SCGN: variants seen among roughly 807,000 people sequenced by gnomAD.
SCGN encodes secretagogin, EF-hand calcium binding protein.
A neutral mutation model predicts 39.7 loss-of-function variants in SCGN; 30 were observed. The observed-to-expected ratio is 0.76, with a 90% CI of 0.57 to 1.03. The LOEUF (loss-of-function observed/expected upper bound fraction) is 1.03. Among genes scored for constraint, SCGN ranks in the 50% least tolerant of loss-of-function variants. The pLI, the probability that SCGN is intolerant of heterozygous loss-of-function variation, is 0.00. For synonymous variants in SCGN, 106 were observed against 114.1 expected, an observed-to-expected ratio of 0.93 and a Z score of 0.45; for missense variants, 353 against 349.4, an observed-to-expected ratio of 1.01 and a Z score of -0.08.
chr6:25,670,009 G>A lies in SCGN; in HGVS notation c.404G>A (p.Arg135Gln), dbSNP rs200986563. ...ISAAELRNFL[R>Q]DLFLHHKKAI... The stretch of plus-strand genomic sequence containing the variant: ...CTCTTGGCGCCACAGAACTTCCTCC[G>A]AGACCTCTTTCTTCACCACAAAAAG... Residue 135 changes from arginine to glutamine, a missense_variant, in exon 6 of 11, where the codon CGA becomes CAA. Coordinates refer to ENST00000377961, the MANE Select transcript of SCGN (RefSeq NM_006998.4). 8.7e-6 allele frequency: 14 copies of A among 1,613,194 alleles called. No individual in the cohort carries two copies. The highest frequency in any genetic ancestry group is 2.7e-5 in the African/African-American group (2 of 74,756).
chr6:25,689,305 T>C, intron 8 of SCGN, 88 bp downstream of exon 8: 1 of 1,177,682 alleles, frequency 8.5e-7, no homozygotes, highest in Non-Finnish European at 1.2e-6. Context: ...AGGCATCTAT[T>C]TGCCCTACTT....
chr6:25,683,021 C>T (rs542590304), intron 7 of SCGN, among the ~76,000 whole-genome samples: 1 of 152,334 alleles, frequency 6.6e-6, no homozygotes, highest in South Asian at 2.1e-4. Context: ...CCCCAGTACA[C>T]TAAATGGCCT....
chr6:25,662,759 T>C (rs1256684814), intron 3 of SCGN, among the ~76,000 whole-genome samples: 3 of 152,234 alleles, frequency 2.0e-5, no homozygotes, highest in Non-Finnish European at 2.9e-5. Flanking sequence ...AAATTGTATA[T>C]GTAACCAAAA....
chr6:25,701,651 G>A lies in SCGN; in HGVS notation c.*316G>A, dbSNP rs112854789. ...GGGTGGGGGGGACAGGGGCAGCTGA[G>A]TGCATTCATTTTGTGCTTTTCTTGT... On this transcript the variant is annotated 3_prime_UTR_variant, in exon 11 of 11. Transcript: ENST00000377961. The A allele has an allele frequency of 2.4e-3, 515 of 215,526 alleles. 3 individuals are homozygous for A. Among genetic ancestry groups the A allele is most frequent in the Middle Eastern group, 4.5e-3 (3 of 660 alleles). 13.4% of individuals were successfully genotyped at this position (215,526 alleles called of 1,614,324 possible).
intron 10 of SCGN, among the ~76,000 whole-genome samples, chr6:25,694,335 A>G (rs182101462): frequency 2.0e-5 from 3 of 152,340 alleles, no homozygotes; most frequent in Non-Finnish European, 1.5e-5. Flanking sequence ...CAAACCAACA[A>G]CATAGCAGAC....
At chr6:25,663,129 A>G (rs1245478361) in intron 3 of SCGN, among the ~76,000 whole-genome samples, 1 of 152,192 alleles carries the variant, frequency 6.6e-6, no homozygotes, top group Non-Finnish European at 1.5e-5. Context: ...AGGCGCCTTA[A>G]AACGCAATGA....
chr6:25,668,882 C>T (rs1336907518), intron 4 of SCGN, among the ~76,000 whole-genome samples: 1 of 152,106 alleles, frequency 6.6e-6, no homozygotes, highest in Non-Finnish European at 1.5e-5. Flanking sequence ...GAGGCCGAGG[C>T]GGGCGGATCA....
At chr6:25,693,432 A>G (rs1371961926) in intron 10 of SCGN, among the ~76,000 whole-genome samples, 2 of 144,882 alleles carry the variant, frequency 1.4e-5, no homozygotes, top group Non-Finnish European at 3.0e-5. Context: ...AGCCTGGGCA[A>G]CAGAGCGAGA....
intron 4 of SCGN, among the ~76,000 whole-genome samples, chr6:25,667,897 CA>C (rs1197630767): frequency 6.6e-6 from 1 of 152,056 alleles, no homozygotes; most frequent in African/African-American, 2.4e-5. Context: ...AAAAAGCATG[CA>C]AAAAATTTTT....
chr6:25,658,467 TA>T (rs1309556803), intron 2 of SCGN, among the ~76,000 whole-genome samples: 4 of 152,182 alleles, frequency 2.6e-5, no homozygotes, highest in African/African-American at 9.7e-5. Context: ...TTTGGGTTTC[TA>T]AATACAGGAC....
In SCGN at chr6:25,689,166, AT is replaced by A; in HGVS notation, c.528-3del. 1 of 1,552,090 alleles carries A rather than the reference AT, an allele frequency of 6.4e-7. No homozygotes were observed. On this transcript the variant is annotated splice_polypyrimidine_tract_variant and splice_region_variant and intron_variant, in intron 7 of 10. Coordinates refer to ENST00000377961, the MANE Select transcript of SCGN (RefSeq NM_006998.4). ...CTTACGTGGATTTTTTTTTTTTTCT[AT>A]TTAGGATTCTGGCTCTTCAGGAAAA...
intron 6 of SCGN, among the ~76,000 whole-genome samples, chr6:25,679,867 GT>G (rs1172571384): frequency 6.7e-6 from 1 of 149,620 alleles, no homozygotes; most frequent in East Asian, 1.9e-4. Flanking sequence ...GGCACCAGAT[GT>G]TTTACTTCAT....
rs917011027 is a variant in SCGN at position 25,693,287 on chromosome 6, T to A, written c.702+2163T>A. On this transcript the variant is annotated intron_variant, in intron 10 of 10. Transcript: ENST00000377961. ...TAACGCGGTGAAACCCCATCTCTAC[T>A]AAAAATACAAAAAAATTAGCTGGGC... Among the ~76,000 whole-genome samples, 4 of 151,494 alleles carry A rather than the reference T, an allele frequency of 2.6e-5. No homozygotes were observed. In the East Asian group the frequency reaches 7.7e-4, roughly 29 times the overall value.
intron 10 of SCGN, among the ~76,000 whole-genome samples, chr6:25,692,385 A>G (rs890976674): frequency 6.6e-6 from 1 of 152,208 alleles, no homozygotes; most frequent in Non-Finnish European, 1.5e-5. Flanking sequence ...CCTCTTATGC[A>G]TTGGAGCCAG....
chr6:25,687,115 A>G (rs988448933), intron 7 of SCGN, among the ~76,000 whole-genome samples: 2 of 152,176 alleles, frequency 1.3e-5, no homozygotes, highest in East Asian at 3.8e-4. Flanking sequence ...TTGAAATAAA[A>G]AATGTGAGTC....
intron 6 of SCGN, among the ~76,000 whole-genome samples, chr6:25,676,734 G>A (rs1317339886): frequency 1.3e-5 from 2 of 152,062 alleles, no homozygotes; most frequent in African/African-American, 2.4e-5. Context: ...TGTTACGTAT[G>A]TAAAACAGTC....
intron 10 of SCGN, among the ~76,000 whole-genome samples, chr6:25,697,401 G>A (rs1303154814): frequency 6.6e-6 from 1 of 152,202 alleles, no homozygotes; most frequent in African/African-American, 2.4e-5. Context: ...ATTATTTTAA[G>A]TGGGTTACAA....
chr6:25,687,451 G>A (rs910978450), intron 7 of SCGN, among the ~76,000 whole-genome samples: 2 of 152,012 alleles, frequency 1.3e-5, no homozygotes, highest in Non-Finnish European at 2.9e-5. Flanking sequence ...ATCATGAAAC[G>A]ATTAGTATTC....
Position 25,669,499 on chromosome 6 carries a change from T to C in SCGN, c.337-12T>C. 2.5e-6 allele frequency: 4 copies of C among 1,611,638 alleles called. No individual in the cohort carries two copies. The highest frequency in any genetic ancestry group is 2.5e-6 in the Non-Finnish European group (3 of 1,177,770). On this transcript the variant is annotated splice_polypyrimidine_tract_variant and intron_variant, in intron 4 of 10. Transcript: ENST00000377961. ...TGAGGATAAATTAATTAGTGACTTT[T>C]GTGTATTTCAGATTTGGCGCAAATA...
Sources: gnomAD v4.1 joint callset for allele counts (sites outside exome capture counted in the v4.1 genomes callset) on GRCh38, gnomAD v4.1.1 for gene constraint, MANE v1.5 for transcripts, NCBI Gene and HGNC (gene_info 2026-07-23, HGNC 2026-07-21) for gene names.